The following LSM11 variants were observed in gnomAD, a reference collection of about 807,000 sequenced individuals.
LSM11 encodes the protein U7 snRNA-associated Sm-like protein LSm11.
LSM11 carries 14 observed loss-of-function variants against 28.1 expected under a neutral mutation model. The ratio of observed to expected loss-of-function variants is 0.50; its 90% CI spans 0.33 to 0.78. The LOEUF (loss-of-function observed/expected upper bound fraction) is 0.78. LSM11 is among the 30% of genes least tolerant of loss of function. LSM11 has a pLI of 0.02. For synonymous variants in LSM11, 207 were observed against 214.2 expected (o/e 0.97, Z 0.30); for missense variants, 495 against 510.6 (o/e 0.97, Z 0.30).
chr5:157,754,748 A>G, intron 3 of LSM11, 106 bp from the exon 4 acceptor site: 5 of 885,876 alleles, frequency 5.6e-6, no homozygotes, highest in Non-Finnish European at 8.3e-6. Context: ...TTGCAAAGCA[A>G]GGAGTCCACA....
At chr5:157,748,392 T>C (rs1761177254) in intron 1 of LSM11, among the ~76,000 whole-genome samples, 2 of 152,206 alleles carry the variant, frequency 1.3e-5, no homozygotes, top group African/African-American at 4.8e-5. Flanking sequence ...CAGTCCACCA[T>C]GTTGACTTCT....
chr5:157,744,572 G>T (rs901473232), intron 1 of LSM11, among the ~76,000 whole-genome samples: 35 of 152,264 alleles, frequency 2.3e-4, no homozygotes, highest in African/African-American at 8.2e-4. Context: ...CTGGAGAGGT[G>T]GCGGGGCTAC....
In LSM11 at chr5:157,750,695, C is replaced by G. The variant is rs139686503; in HGVS notation, c.449-695C>G. 7.9e-3 allele frequency among the ~76,000 whole-genome samples: 1,197 copies of G among 152,242 alleles called. 20 individuals carry two copies. Among genetic ancestry groups the G allele is most frequent in the African/African-American group, 0.027 (1,119 of 41,532 alleles). Reference sequence around the variant, plus strand: ...TTTTTGTTTTTTTGGAAGACTCAAGCTGGATATGTGATTCATGAATTGTCT... The same window carrying G: ...TTTTTGTTTTTTTGGAAGACTCAAGGTGGATATGTGATTCATGAATTGTCT... On this transcript the variant is annotated intron_variant, in intron 1 of 3. Transcript: ENST00000286307.
chr5:157,751,310 C>T (rs1032101747), intron 1 of LSM11, 80 bp from the exon 2 acceptor site: 36 of 1,464,284 alleles, frequency 2.5e-5, no homozygotes, highest in East Asian at 9.6e-5. Flanking sequence ...TGTTGCTGGC[C>T]GAAGTTGGGT....
chr5:157,757,747 A>G lies in LSM11; in HGVS notation c.*2483A>G, dbSNP rs559124466. 3 of 152,358 alleles carry G rather than the reference A, an allele frequency of 2.0e-5. No homozygotes were observed. In the South Asian group the frequency reaches 6.2e-4, roughly 32 times the overall value. 9.4% of individuals were successfully genotyped at this position (152,358 alleles called of 1,614,324 possible). A position where few individuals can be genotyped will look rare whatever the true frequency, so the allele number is the denominator to read the frequency against. On this transcript the variant is annotated 3_prime_UTR_variant, in exon 4 of 4. Transcript: ENST00000286307. ...GCCCTCTCATCCCTCGGCTAGAATG[A>G]TGTACTCTACTTTCCCAATAAGGTA... is the stretch of plus-strand genomic sequence containing the variant.
intron 1 of LSM11, among the ~76,000 whole-genome samples, chr5:157,747,911 T>C (rs1328568442): frequency 1.3e-5 from 2 of 152,214 alleles, no homozygotes; most frequent in African/African-American, 4.8e-5. Flanking sequence ...TTGTCACTTT[T>C]CTCAGCTCAT....
rs1465272303 is a variant in LSM11, at chr5:157,744,090, C to A, written c.340C>A (p.Arg114Ser). The A allele has an allele frequency of 6.7e-7, 1 of 1,486,566 alleles. No individual in the cohort carries two copies. Among genetic ancestry groups the A allele is most frequent in the East Asian group, 2.8e-5 (1 of 35,118 alleles). The allele number at this position is 1,486,566 out of a possible 1,614,324, so 92.1% of individuals were successfully genotyped here. A position where few individuals can be genotyped will look rare whatever the true frequency, so the allele number is the denominator to read the frequency against. Residue 114 changes from arginine to serine, a missense_variant, in exon 1 of 4, where the codon CGC becomes AGC. Transcript: ENST00000286307. ...GGACCCCGAGCGCATCCAGCGCCTC[C>A]GCCGTCTCATGGTGGCCAAAGAGGA... ...APDPERIQRL[R>S]RLMVAKEEGD...
At chr5:157,747,616 A>G (rs1351879723) in intron 1 of LSM11, 1 of 208,408 alleles carries the variant, frequency 4.8e-6, no homozygotes, top group Non-Finnish European at 1.0e-5. Context: ...GTTGTAGTTT[A>G]CTTTGATTGC....
chr5:157,751,265 C>A, intron 1 of LSM11, 125 bp from the exon 2 acceptor site: 1 of 1,084,898 alleles, frequency 9.2e-7, no homozygotes, highest in Non-Finnish European at 1.3e-6. Context: ...CCTTCCTGTT[C>A]CAATAGTGAG....
In LSM11 at chr5:157,755,128, C is replaced by G; in HGVS notation, c.947C>G (p.Ala316Gly). The change falls in exon 4 of 4, where the codon GCT (alanine) becomes GGT (glycine). Residue 316 changes from alanine (A) to glycine (G), a missense_variant. Coordinates refer to ENST00000286307, the MANE Select transcript of LSM11 (RefSeq NM_173491.4). ...GSSVGGTFSR[A>G]TTLSRGQSRK... is the part of the protein sequence containing the mutation. ...AGTGTGGGAGGTACCTTTTCCAGGGCTACCACCCTTTCCAGAGGCCAGTCC... is the reference window on the plus strand; with the variant it reads ...AGTGTGGGAGGTACCTTTTCCAGGGGTACCACCCTTTCCAGAGGCCAGTCC... The G allele has an allele frequency of 6.2e-7, 1 of 1,614,216 alleles. No individual in the cohort carries two copies. Among genetic ancestry groups the G allele is most frequent in the Non-Finnish European group, 8.5e-7 (1 of 1,180,036 alleles).
In LSM11 at chr5:157,751,387, C is replaced by T; in HGVS notation, c.449-3C>T. On this transcript the variant is annotated splice_region_variant and splice_polypyrimidine_tract_variant and intron_variant, in intron 1 of 3. Transcript: ENST00000286307. Reference sequence around the variant, plus strand: ...TGTCCTGACTGTTCTTCTCTTGTTTCAGTGCACGAAGGCAGCCCTCTGGGT... The same window carrying T: ...TGTCCTGACTGTTCTTCTCTTGTTTTAGTGCACGAAGGCAGCCCTCTGGGT... The T allele has an allele frequency of 1.9e-6, 3 of 1,578,246 alleles. No individual in the cohort carries two copies. The highest frequency in any genetic ancestry group is 2.6e-6 in the Non-Finnish European group (3 of 1,165,352).
chr5:157,744,316 T>G, intron 1 of LSM11, 118 bp downstream of exon 1: 2 of 767,488 alleles, frequency 2.6e-6, no homozygotes, highest in Non-Finnish European at 3.6e-6. Context: ...CGGGAGCGCC[T>G]TGGTGAAAAT....
chr5:157,751,234 C>T (rs978140569), intron 1 of LSM11, among the ~76,000 whole-genome samples, 156 bp from the exon 2 acceptor site: 3 of 152,148 alleles, frequency 2.0e-5, no homozygotes, highest in Admixed American at 1.3e-4. Flanking sequence ...GTTGGCCGTA[C>T]GAGCCATGTT....
chr5:157,746,681 G>A (rs1761152729), intron 1 of LSM11, among the ~76,000 whole-genome samples: 1 of 152,234 alleles, frequency 6.6e-6, no homozygotes, highest in Admixed American at 6.5e-5. Context: ...AGGCCGAGGC[G>A]GGCAGAACAC....
chr5:157,760,374 G>GA lies in LSM11; in HGVS notation c.*5113dup, dbSNP rs1308726188. 6.6e-6 allele frequency: 1 copy of GA among 152,188 alleles called. No homozygotes were observed. The allele number at this position is 152,188 out of a possible 1,614,324, so 9.4% of individuals were successfully genotyped here. A position where few individuals can be genotyped will look rare whatever the true frequency, so the allele number is the denominator to read the frequency against. Reference sequence around the variant, plus strand: ...TAAAGCAAATAGTAAGCCATGTCTTGAAAGTGATTTGCTTGTTTCATACTG... The same window carrying GA: ...TAAAGCAAATAGTAAGCCATGTCTTGAAAAGTGATTTGCTTGTTTCATACTG... On this transcript the variant is annotated 3_prime_UTR_variant, in exon 4 of 4. Transcript: ENST00000286307.
rs1761105163 is a variant in LSM11 at position 157,744,004 on chromosome 5, G to A, written c.254G>A (p.Gly85Glu). The change falls in exon 1 of 4, where the codon GGG becomes GAG. Residue 85 changes from glycine (G) to glutamate (E), a missense_variant. Transcript: ENST00000286307. ...GRARGAAAGSGVPAAPGPSGR... is the reference protein window; with the variant it reads ...GRARGAAAGSEVPAAPGPSGR... ...GCTCGGGGCGCGGCCGCGGGCTCTGGGGTTCCCGCCGCACCCGGGCCCTCG... is the reference window on the plus strand; with the variant it reads ...GCTCGGGGCGCGGCCGCGGGCTCTGAGGTTCCCGCCGCACCCGGGCCCTCG... 4.5e-6 allele frequency: 6 copies of A among 1,319,310 alleles called. No individual in the cohort carries two copies. Among genetic ancestry groups the A allele is most frequent in the Non-Finnish European group, 5.8e-6 (6 of 1,035,096 alleles). 81.7% of individuals were successfully genotyped at this position (1,319,310 alleles called of 1,614,324 possible).
rs1413572901 is a variant in LSM11 at position 157,754,877 on chromosome 5, A to G, written c.696A>G (p.Gln232=). ...LTRLFDRLKL[Q]DSSKKEADSK... ...AGCTATTTGATCGGCTGAAACTTCA[A>G]GATTCCTCCAAGAAGGAAGCAGATT... The change falls in exon 4 of 4, where the codon CAA becomes CAG. Residue 232 remains glutamine, a synonymous_variant. Transcript: ENST00000286307. 1 of 1,613,854 alleles carries G rather than the reference A, an allele frequency of 6.2e-7. No homozygotes were observed. The highest frequency in any genetic ancestry group is 8.5e-7 in the Non-Finnish European group (1 of 1,179,814).
intron 1 of LSM11, among the ~76,000 whole-genome samples, chr5:157,745,311 A>G (rs1401357116): frequency 6.6e-6 from 1 of 152,188 alleles, no homozygotes; most frequent in East Asian, 1.9e-4. Context: ...CTTCATTCCT[A>G]GAAATTTGTT....
chr5:157,747,016 A>G (rs899620665), intron 1 of LSM11, among the ~76,000 whole-genome samples: 4 of 152,226 alleles, frequency 2.6e-5, no homozygotes, highest in African/African-American at 7.2e-5. Context: ...AGCCTAAGCC[A>G]TCACTGATAC....
Sources: allele counts gnomAD v4.1 joint callset (sites outside exome capture counted in the v4.1 genomes callset), GRCh38; gene constraint gnomAD v4.1.1; transcripts MANE v1.5; gene names NCBI Gene and HGNC (gene_info 2026-07-23, HGNC 2026-07-21).